The following MBD5 variants were observed in gnomAD, a reference collection of about 807,000 sequenced individuals.
The protein encoded by MBD5 is methyl-CpG-binding domain protein 5.
MBD5 carries 13 observed loss-of-function variants against 117.3 expected under a neutral mutation model. The observed-to-expected ratio is 0.11, with a 90% CI of 0.07 to 0.18. The LOEUF is 0.18. Ranked by LOEUF, MBD5 falls within the 10% of genes least tolerant of loss-of-function variation. MBD5 has a pLI of 1.00. For synonymous variants in MBD5, 727 were observed against 766.4 expected, an observed-to-expected ratio of 0.95 and a Z score of 0.85; for missense variants, 1,879 against 2,093.8, an observed-to-expected ratio of 0.90 and a Z score of 2.00.
intron 1 of MBD5, among the ~76,000 whole-genome samples, chr2:148,138,828 C>G (rs537187358): frequency 2.6e-5 from 4 of 152,088 alleles, no homozygotes; most frequent in Non-Finnish European, 5.9e-5. Context: ...TAGAAAGAAC[C>G]GCTAAAACAT....
intron 2 of MBD5, among the ~76,000 whole-genome samples, chr2:148,226,571 A>G (rs933731928): frequency 9.2e-5 from 14 of 152,162 alleles, no homozygotes; most frequent in Admixed American, 1.3e-4. Context: ...CGCAATAAAC[A>G]TACGTGTGCA....
intron 4 of MBD5, among the ~76,000 whole-genome samples, chr2:148,413,113 T>C (rs1164796081): frequency 6.6e-6 from 1 of 152,098 alleles, no homozygotes; most frequent in East Asian, 1.9e-4. Context: ...ATGGTTCTTA[T>C]TATTTTGAGG....
At chr2:148,434,941 T>C (rs992549848) in intron 4 of MBD5, among the ~76,000 whole-genome samples, 2 of 152,176 alleles carry the variant, frequency 1.3e-5, no homozygotes, top group Non-Finnish European at 2.9e-5. Context: ...TGGGTGCATA[T>C]ATATTTAGAG....
At chr2:148,069,412 C>G (rs1030028797) in intron 1 of MBD5, among the ~76,000 whole-genome samples, 6 of 151,490 alleles carry the variant, frequency 4.0e-5, no homozygotes, top group African/African-American at 1.5e-4. Flanking sequence ...GATCAATCCA[C>G]TATTGTTGGC....
Position 148,468,717 on chromosome 2 carries a change from T to C in MBD5, c.774T>C (p.His258=), listed in dbSNP as rs1448206357. ...TCACAAGAAGTAATCCTGGTTTTCA[T>C]GGAGCTCCCAATTCTAGTCCTATTC... ...DVFTRSNPGF[H]GAPNSSPIHL... is the part of the protein sequence containing the mutation. Residue 258 remains histidine, a synonymous_variant, in exon 8 of 14, where the codon CAT becomes CAC. Coordinates refer to ENST00000642680, the MANE Select transcript of MBD5 (RefSeq NM_001378120.1). 7.4e-6 allele frequency: 12 copies of C among 1,613,968 alleles called. No individual in the cohort carries two copies. Among genetic ancestry groups the C allele is most frequent in the Non-Finnish European group, 1.0e-5 (12 of 1,179,918 alleles).
Position 148,515,025 on chromosome 2 carries a change from A to G in MBD5, c.*2084A>G, listed in dbSNP as rs1269344581. 1 of 152,196 alleles carries G rather than the reference A, an allele frequency of 6.6e-6. No individual in the cohort carries two copies. The highest frequency in any genetic ancestry group is 2.4e-5 in the African/African-American group (1 of 41,440). The allele number at this position is 152,196 out of a possible 1,614,324, so 9.4% of individuals were successfully genotyped here. On this transcript the variant is annotated 3_prime_UTR_variant, in exon 14 of 14. Transcript: ENST00000642680. ...TAATCTTTTGTGTAGTTTAGTTGAC[A>G]CATGTTTATAAGTTAAAAGTTGATG...
chr2:148,147,812 C>A (rs192666873), intron 1 of MBD5, among the ~76,000 whole-genome samples: 1 of 152,212 alleles, frequency 6.6e-6, no homozygotes, highest in East Asian at 1.9e-4. Flanking sequence ...GACCTCAATG[C>A]TCCAGCAGAC....
At chr2:148,433,211 T>C (rs1008156924) in intron 4 of MBD5, among the ~76,000 whole-genome samples, 1 of 152,198 alleles carries the variant, frequency 6.6e-6, no homozygotes, top group African/African-American at 2.4e-5. Flanking sequence ...TGTTCTTCGA[T>C]TTTGTATTCT....
At chr2:148,489,016 G>T (rs1392158863) in intron 10 of MBD5, among the ~76,000 whole-genome samples, 2 of 152,176 alleles carry the variant, frequency 1.3e-5, no homozygotes, top group Non-Finnish European at 1.5e-5. Context: ...GATTACCTGT[G>T]ACTTGACTCT....
At chr2:148,346,389 C>T (rs1054456502) in intron 4 of MBD5, 51 of 151,962 alleles carry the variant, frequency 3.4e-4, no homozygotes, top group African/African-American at 1.1e-3. Context: ...AAAATGGAAT[C>T]GGTAGATCAA....
At chr2:148,395,459 C>G (rs1308922840) in intron 4 of MBD5, among the ~76,000 whole-genome samples, 1 of 136,134 alleles carries the variant, frequency 7.3e-6, no homozygotes, top group African/African-American at 2.7e-5. Context: ...GAGTCTCACT[C>G]TGTTGCCCAG....
At chr2:148,270,283 T>C (rs1179708269) in intron 3 of MBD5, among the ~76,000 whole-genome samples, 1 of 152,134 alleles carries the variant, frequency 6.6e-6, no homozygotes, top group Non-Finnish European at 1.5e-5. Flanking sequence ...GCCCTAAATA[T>C]CAAAGGTGAT....
chr2:148,245,495 G>T (rs902469282), intron 3 of MBD5, among the ~76,000 whole-genome samples: 23 of 152,096 alleles, frequency 1.5e-4, no homozygotes, highest in Admixed American at 1.3e-3. Context: ...TACTCAGGAG[G>T]CTGCAGTGGG....
At chr2:148,128,455 A>AAGG (rs1319630550) in intron 1 of MBD5, among the ~76,000 whole-genome samples, 1 of 152,184 alleles carries the variant, frequency 6.6e-6, no homozygotes, top group Non-Finnish European at 1.5e-5. Context: ...GTCACACATT[A>AAGG]ATTAGAGTTG....
chr2:148,172,885 C>T (rs938864355), intron 1 of MBD5, among the ~76,000 whole-genome samples: 2 of 152,150 alleles, frequency 1.3e-5, no homozygotes, highest in Non-Finnish European at 2.9e-5. Flanking sequence ...CAGAAATCAG[C>T]CACCCACCAT....
intron 11 of MBD5, among the ~76,000 whole-genome samples, chr2:148,495,791 A>C (rs1291609388): frequency 1.3e-5 from 2 of 152,210 alleles, no homozygotes; most frequent in Non-Finnish European, 2.9e-5. Flanking sequence ...TTCAAAACCA[A>C]CAAAACTTAT....
At chr2:148,399,950 T>C (rs1009091129) in intron 4 of MBD5, among the ~76,000 whole-genome samples, 3 of 152,200 alleles carry the variant, frequency 2.0e-5, no homozygotes, top group Admixed American at 1.3e-4. Flanking sequence ...ATATGCTGGA[T>C]TACGTTTATT....
chr2:148,305,211 T>C (rs188548835), intron 3 of MBD5, among the ~76,000 whole-genome samples: 48 of 152,296 alleles, frequency 3.2e-4, no homozygotes, highest in Non-Finnish European at 5.9e-4. Flanking sequence ...GAGCCCAAGA[T>C]TGAAGCCTTG....
Position 148,447,878 on chromosome 2 carries a change from T to G in MBD5, c.-556-10325T>G, listed in dbSNP as rs558007738. 6 of 152,278 alleles carry G rather than the reference T, an allele frequency of 3.9e-5. No individual in the cohort carries two copies. The East Asian group carries it at 1.2e-3, about 29-fold the overall frequency. The allele number at this position is 152,278 out of a possible 1,614,324, so 9.4% of individuals were successfully genotyped here. A position where few individuals can be genotyped will look rare whatever the true frequency, so the allele number is the denominator to read the frequency against. On this transcript the variant is annotated intron_variant, in intron 4 of 13. Transcript: ENST00000642680. Reference sequence around the variant, plus strand: ...GGGTTTGGCCCAGAGTCCTCCTGTGTATGGCTGGTCTTACATTTTGCTTAT... The same window carrying G: ...GGGTTTGGCCCAGAGTCCTCCTGTGGATGGCTGGTCTTACATTTTGCTTAT...
Sources: gnomAD v4.1 joint callset for allele counts (sites outside exome capture counted in the v4.1 genomes callset) on GRCh38, gnomAD v4.1.1 for gene constraint, MANE v1.5 for transcripts, NCBI Gene and HGNC (gene_info 2026-07-23, HGNC 2026-07-21) for gene names.